SLCO2B1: variants seen among roughly 807,000 people sequenced by gnomAD.
SLCO2B1 encodes OATP-RP2.
SLCO2B1 carries 41 observed loss-of-function variants against 67.3 expected under a neutral mutation model. The observed-to-expected ratio is 0.61, with a 90% CI of 0.47 to 0.79. The LOEUF (loss-of-function observed/expected upper bound fraction) is 0.79. Ranked by LOEUF, SLCO2B1 falls within the 30% of genes least tolerant of loss-of-function variation. The pLI is 0.00. For missense variants in SLCO2B1, 837 were observed against 920.1 expected (o/e 0.91, Z 1.17); for synonymous variants, 379 against 381.4 (o/e 0.99, Z 0.07).
At chr11:75,196,350 G>A (rs1945096110) in intron 9 of SLCO2B1, 164 bp from the exon 10 acceptor site, 1 of 659,452 alleles carries the variant, frequency 1.5e-6, no homozygotes, top group Admixed American at 3.1e-5. Context: ...TTCATTGCAA[G>A]GAGCTCACTA....
intron 10 of SLCO2B1, among the ~76,000 whole-genome samples, 181 bp downstream of exon 10, chr11:75,196,860 T>C (rs944479925): frequency 3.9e-5 from 6 of 152,228 alleles, no homozygotes; most frequent in African/African-American, 1.4e-4. Context: ...CCAGGAGCAG[T>C]GGCTTATGCC....
At chr11:75,199,000 C>T (rs1319164957) in intron 10 of SLCO2B1, among the ~76,000 whole-genome samples, 2 of 152,174 alleles carry the variant, frequency 1.3e-5, no homozygotes, top group African/African-American at 4.8e-5. Context: ...CCAAGTGAAG[C>T]CTCCAGCCTT....
Position 75,192,553 on chromosome 11 carries a change from G to C in SLCO2B1, c.1076-665G>C, listed in dbSNP as rs374752038. Among the ~76,000 whole-genome samples the C allele has an allele frequency of 1.1e-4, 17 of 152,232 alleles. No homozygotes were observed. In the East Asian group the frequency reaches 1.9e-3, roughly 17 times the overall value. Reference sequence around the variant, plus strand: ...TAGCAGGACAGGATGGAAAGAACTGGGTGGGGCGGGGGAGAGGAATGAATA... The same window carrying C: ...TAGCAGGACAGGATGGAAAGAACTGCGTGGGGCGGGGGAGAGGAATGAATA... On this transcript the variant is annotated intron_variant, in intron 8 of 13. Coordinates refer to ENST00000289575, the MANE Select transcript of SLCO2B1 (RefSeq NM_007256.5).
Position 75,165,655 on chromosome 11 carries a change from G to C in SLCO2B1, c.286-132G>C, listed in dbSNP as rs947152571. 5.6e-6 allele frequency: 6 copies of C among 1,072,980 alleles called. No individual in the cohort carries two copies. In the East Asian group the frequency reaches 1.4e-4, roughly 26 times the overall value. 66.5% of individuals were successfully genotyped at this position (1,072,980 alleles called of 1,614,324 possible). Reference sequence around the variant, plus strand: ...GCCCTTCCGAGGGGGACCCAGGAGAGGGACCCAGATGATTTTTATTCAGTC... The same window carrying C: ...GCCCTTCCGAGGGGGACCCAGGAGACGGACCCAGATGATTTTTATTCAGTC... On this transcript the variant is annotated intron_variant, in intron 3 of 13. Transcript: ENST00000289575.
At chr11:75,169,456 C>A (rs1171207102) in intron 5 of SLCO2B1, 50 bp downstream of exon 5, 2 of 1,492,404 alleles carry the variant, frequency 1.3e-6, no homozygotes, top group Non-Finnish European at 1.8e-6. Flanking sequence ...CCAGGCTCAA[C>A]TAGGAGGAAG....
At chr11:75,170,416 C>A (rs921290457) in intron 6 of SLCO2B1, among the ~76,000 whole-genome samples, 1 of 152,030 alleles carries the variant, frequency 6.6e-6, no homozygotes, top group Non-Finnish European at 1.5e-5. Context: ...CTGAAGGTGG[C>A]CAGGAGGGAG....
At chr11:75,182,331 ACTGT>A (rs1950100961) in intron 7 of SLCO2B1, among the ~76,000 whole-genome samples, 2 of 152,236 alleles carry the variant, frequency 1.3e-5, no homozygotes, top group African/African-American at 4.8e-5. Flanking sequence ...TCTGCCAATA[ACTGT>A]CTGGGTGACA....
At chr11:75,204,352 C>T in intron 13 of SLCO2B1, 48 bp from the exon 14 acceptor site, 1 of 1,535,164 alleles carries the variant, frequency 6.5e-7, no homozygotes, top group Non-Finnish European at 8.8e-7. Context: ...GACGTCCATG[C>T]CCTGGCCTGG....
At chr11:75,167,256 C>T (rs559468198) in intron 4 of SLCO2B1, among the ~76,000 whole-genome samples, 46 of 152,292 alleles carry the variant, frequency 3.0e-4, no homozygotes, top group Middle Eastern at 3.4e-3. Flanking sequence ...CAGAGTCGTT[C>T]TCTAGGCCTG....
intron 8 of SLCO2B1, among the ~76,000 whole-genome samples, chr11:75,189,962 GAAAA>G (rs561790970): frequency 1.8e-5 from 2 of 113,090 alleles, no homozygotes; most frequent in East Asian, 2.7e-4. Flanking sequence ...ACCCTGTCTG[GAAAA>G]AAAAAAAAAA....
chr11:75,172,802 A>G lies in SLCO2B1; in HGVS notation c.972+233A>G, dbSNP rs374569382. On this transcript the variant is annotated intron_variant, in intron 7 of 13. Transcript: ENST00000289575. ...AAATTAGCCGGGCATGGTGGTGGGC[A>G]CCTGTAGTCCCAGCTACTCAGGAGG... is the stretch of plus-strand genomic sequence containing the variant. Among the ~76,000 whole-genome samples, 510 of 152,162 alleles carry G rather than the reference A, an allele frequency of 3.4e-3. 4 individuals carry two copies. Among genetic ancestry groups the G allele is most frequent in the African/African-American group, 0.012 (494 of 41,508 alleles).
rs975940872 is a variant in SLCO2B1 at position 75,193,511 on chromosome 11, A to G, written c.1369A>G (p.Ser457Gly). The change falls in exon 9 of 14, where the codon AGC (serine) becomes GGC (glycine). Residue 457 changes from serine to glycine, a missense_variant. Transcript: ENST00000289575. The surrounding 1 kb of genome is among the most constrained non-coding windows in gnomAD (Gnocchi z 4.2). ...GGGGATGCTGCTGTGCCTCTTCTTC[A>G]GCCTGCCGCTCTTCTTTATCGGCTG... ...LLGMLLCLFF[S>G]LPLFFIGCSS... 1 of 1,599,312 alleles carries G rather than the reference A, an allele frequency of 6.3e-7. No homozygotes were observed.
chr11:75,166,162 G>A (rs966544837), intron 4 of SLCO2B1, among the ~76,000 whole-genome samples: 20 of 152,284 alleles, frequency 1.3e-4, no homozygotes, highest in African/African-American at 3.4e-4. Flanking sequence ...TAGGCCCTGC[G>A]CATAGGGGTG....
intron 1 of SLCO2B1, chr11:75,152,487 G>A (rs554745404): frequency 2.0e-5 from 3 of 152,356 alleles, no homozygotes; most frequent in South Asian, 2.1e-4. Flanking sequence ...GCCTCCTCTC[G>A]GGGCACCTCA....
chr11:75,187,551 C>G (rs1944955015), intron 7 of SLCO2B1, among the ~76,000 whole-genome samples: 1 of 152,054 alleles, frequency 6.6e-6, no homozygotes. Flanking sequence ...TGATACTGAT[C>G]TTGGTGAAGA....
Position 75,151,274 on chromosome 11 carries a change from CCTG to C in SLCO2B1, c.-101_-99del. The stretch of plus-strand genomic sequence containing the variant: ...GTTATTGCATCCCTGCTGTGGCTCA[CCTG>C]CTGCTGTCTCCAGGAGCCCCTGAGA... On this transcript the variant is annotated 5_prime_UTR_variant, in exon 1 of 14. Transcript: ENST00000289575. 2.0e-6 allele frequency: 2 copies of C among 982,208 alleles called. No individual in the cohort carries two copies. The highest frequency in any genetic ancestry group is 3.1e-6 in the Non-Finnish European group (2 of 636,862). 60.8% of individuals were successfully genotyped at this position (982,208 alleles called of 1,614,324 possible). A position where few individuals can be genotyped will look rare whatever the true frequency, so the allele number is the denominator to read the frequency against.
chr11:75,195,304 G>A (rs895614597), intron 9 of SLCO2B1, among the ~76,000 whole-genome samples: 27 of 152,176 alleles, frequency 1.8e-4, no homozygotes, highest in Non-Finnish European at 2.9e-5. Context: ...CCTTGGCAGA[G>A]TCCCCTGGCA....
rs117634544 is a variant in SLCO2B1 at position 75,178,072 on chromosome 11, C to A, written c.972+5503C>A. Among the ~76,000 whole-genome samples the A allele has an allele frequency of 6.3e-3, 835 of 133,210 alleles. 16 individuals are homozygous for A. The East Asian group carries it at 0.064, about 10-fold the overall frequency. The allele number at this position is 133,210 out of a possible 152,430, so 87.4% of individuals were successfully genotyped here. A position where few individuals can be genotyped will look rare whatever the true frequency, so the allele number is the denominator to read the frequency against. ...TTACATCACTGCACTCCAGCCTAGACAACAGAGCAAGATTCCATCTCAAAA... is the reference window on the plus strand; with the variant it reads ...TTACATCACTGCACTCCAGCCTAGAAAACAGAGCAAGATTCCATCTCAAAA... On this transcript the variant is annotated intron_variant, in intron 7 of 13. Coordinates refer to ENST00000289575, the MANE Select transcript of SLCO2B1 (RefSeq NM_007256.5).
intron 4 of SLCO2B1, 124 bp downstream of exon 4, chr11:75,166,073 T>A: frequency 1.7e-6 from 2 of 1,197,360 alleles, no homozygotes; most frequent in Non-Finnish European, 2.3e-6. Flanking sequence ...CCAGGACAGC[T>A]GCTAGTCCCC....
Sources: allele counts gnomAD v4.1 joint callset (sites outside exome capture counted in the v4.1 genomes callset), GRCh38; gene constraint gnomAD v4.1.1; non-coding constraint Gnocchi (gnomAD v3.1); transcripts MANE v1.5; gene names NCBI Gene and HGNC (gene_info 2026-07-23, HGNC 2026-07-21).